Variants in ERBB4 observed in about 807,000 individuals in gnomAD.
ERBB4 encodes the protein erb-b2 receptor tyrosine kinase 4.
Under a neutral mutation model 158.0 loss-of-function variants are expected in ERBB4, and 42 were observed. The ratio of observed to expected loss-of-function variants is 0.27; its 90% CI spans 0.21 to 0.34. ERBB4 has a LOEUF of 0.34. Ranked by LOEUF, ERBB4 falls within the 10% of genes least tolerant of loss-of-function variation. ERBB4 has a pLI of 1.00. For missense variants in ERBB4, 1,333 were observed against 1,624.1 expected, an observed-to-expected ratio of 0.82 and a Z score of 3.08; for synonymous variants, 583 against 558.7, an observed-to-expected ratio of 1.04 and a Z score of -0.61.
intron 1 of ERBB4, among the ~76,000 whole-genome samples, chr2:212,293,852 A>C (rs571153070): frequency 4.4e-4 from 60 of 137,406 alleles, no homozygotes; most frequent in African/African-American, 1.6e-3. Flanking sequence ...TGTCTCAAAA[A>C]AAAAAACAAA....
At chr2:211,703,554 T>C (rs1324316652) in intron 11 of ERBB4, among the ~76,000 whole-genome samples, 1 of 152,208 alleles carries the variant, frequency 6.6e-6, no homozygotes, top group Non-Finnish European at 1.5e-5. Context: ...CAGAGAAATC[T>C]TTTACTCTTA....
At chr2:212,274,487 T>G (rs1183652368) in intron 1 of ERBB4, among the ~76,000 whole-genome samples, 1 of 151,834 alleles carries the variant, frequency 6.6e-6, no homozygotes, top group Admixed American at 6.6e-5. Flanking sequence ...TTCACATCAC[T>G]TAAGCTCACC....
chr2:212,310,278 GTTAA>G (rs1392777568), intron 1 of ERBB4, among the ~76,000 whole-genome samples: 1 of 150,460 alleles, frequency 6.6e-6, no homozygotes, highest in Non-Finnish European at 1.5e-5. Flanking sequence ...CTTAAACACT[GTTAA>G]TTATACTCTA....
chr2:212,367,816 C>A (rs1560128268), intron 1 of ERBB4, among the ~76,000 whole-genome samples: 2 of 151,898 alleles, frequency 1.3e-5, no homozygotes, highest in African/African-American at 4.8e-5. Flanking sequence ...AAATGGCCAA[C>A]AAACATATGA....
chr2:211,558,424 G>A (rs1446320309), intron 20 of ERBB4, among the ~76,000 whole-genome samples: 1 of 152,076 alleles, frequency 6.6e-6, no homozygotes, highest in Non-Finnish European at 1.5e-5. Context: ...GCCGATCTGG[G>A]TAATCCAGGA....
intron 1 of ERBB4, among the ~76,000 whole-genome samples, chr2:212,515,942 A>G (rs76506642): frequency 6.6e-6 from 1 of 152,078 alleles, no homozygotes; most frequent in Non-Finnish European, 1.5e-5. Context: ...CAATAAAAGC[A>G]TAAAGGACAA....
intron 1 of ERBB4, among the ~76,000 whole-genome samples, chr2:212,203,268 A>G (rs557101372): frequency 6.6e-6 from 1 of 152,294 alleles, no homozygotes; most frequent in African/African-American, 2.4e-5. Context: ...ACCTAAAACC[A>G]GGGAAGAAAT....
At chr2:212,510,615 C>A (rs772784341) in intron 1 of ERBB4, among the ~76,000 whole-genome samples, 4 of 151,876 alleles carry the variant, frequency 2.6e-5, no homozygotes, top group Non-Finnish European at 4.4e-5. Flanking sequence ...CTATGAAAAT[C>A]CTTAACTAAT....
chr2:212,010,374 TTTTA>T (rs1189729381), intron 2 of ERBB4, among the ~76,000 whole-genome samples: 2 of 152,186 alleles, frequency 1.3e-5, no homozygotes, highest in East Asian at 3.8e-4. Flanking sequence ...ATTATTATTA[TTTTA>T]TTTGTTTATT....
chr2:211,809,104 T>C (rs564148946), intron 3 of ERBB4, among the ~76,000 whole-genome samples: 14 of 152,328 alleles, frequency 9.2e-5, no homozygotes, highest in South Asian at 4.1e-4. Flanking sequence ...CTTTTCCTAA[T>C]TGAATACCCT....
intron 1 of ERBB4, among the ~76,000 whole-genome samples, chr2:212,296,112 C>T (rs948226029): frequency 6.6e-6 from 1 of 151,814 alleles, no homozygotes; most frequent in Non-Finnish European, 1.5e-5. Flanking sequence ...ATTGAGCATT[C>T]GATAGGTGAA....
intron 4 of ERBB4, among the ~76,000 whole-genome samples, chr2:211,774,364 G>A (rs950012057): frequency 5.3e-5 from 8 of 152,058 alleles, no homozygotes; most frequent in African/African-American, 1.2e-4. Context: ...GAGCCACTGC[G>A]CCAGGCCAAG....
chr2:212,221,743 C>T (rs778920355), intron 1 of ERBB4, among the ~76,000 whole-genome samples: 6 of 151,384 alleles, frequency 4.0e-5, no homozygotes, highest in Non-Finnish European at 8.9e-5. Flanking sequence ...TAGTTTTCCT[C>T]TTCTGTAGGA....
intron 4 of ERBB4, among the ~76,000 whole-genome samples, chr2:211,751,504 G>C (rs1038821502): frequency 2.0e-5 from 3 of 152,206 alleles, no homozygotes; most frequent in South Asian, 4.1e-4. Context: ...ATAAAATATA[G>C]ATGTTAAAAA....
intron 1 of ERBB4, among the ~76,000 whole-genome samples, chr2:212,295,163 A>G (rs753076422): frequency 6.6e-6 from 1 of 152,094 alleles, no homozygotes; most frequent in Non-Finnish European, 1.5e-5. Context: ...AGTCTGATAT[A>G]TTGATGTCCT....
At chr2:212,361,451 A>C (rs1477169439) in intron 1 of ERBB4, among the ~76,000 whole-genome samples, 2 of 151,596 alleles carry the variant, frequency 1.3e-5, no homozygotes, top group Non-Finnish European at 3.0e-5. Context: ...CTGTCTGTAA[A>C]GTAAATAACA....
intron 1 of ERBB4, among the ~76,000 whole-genome samples, chr2:212,255,458 C>A (rs2084694137): frequency 6.6e-6 from 1 of 152,012 alleles, no homozygotes; most frequent in Non-Finnish European, 1.5e-5. Flanking sequence ...AAACCCAGGG[C>A]AAATATATAA....
At chr2:211,787,324 A>T (rs1395690911) in intron 4 of ERBB4, among the ~76,000 whole-genome samples, 4 of 152,236 alleles carry the variant, frequency 2.6e-5, no homozygotes, top group Admixed American at 2.6e-4. Context: ...TACCAGACAG[A>T]ATAATTTTCA....
intron 19 of ERBB4, among the ~76,000 whole-genome samples, chr2:211,594,674 G>A (rs2068580089): frequency 1.3e-5 from 2 of 152,010 alleles, no homozygotes; most frequent in African/African-American, 2.4e-5. Context: ...TTTATTCTAG[G>A]AACTAGAGTA....
Sources: gnomAD v4.1 joint callset for allele counts (sites outside exome capture counted in the v4.1 genomes callset) on GRCh38, gnomAD v4.1.1 for gene constraint, MANE v1.5 for transcripts, NCBI Gene and HGNC (gene_info 2026-07-23, HGNC 2026-07-21) for gene names.